The following GRAMD1A variants were observed in gnomAD, a reference collection of about 807,000 sequenced individuals.
GRAMD1A encodes protein Aster-A.
A neutral mutation model predicts 92.0 loss-of-function variants in GRAMD1A; 50 were observed. The ratio of observed to expected loss-of-function variants is 0.54; its 90% CI spans 0.43 to 0.69. The LOEUF is 0.69. Ranked by LOEUF, GRAMD1A falls within the 30% of genes least tolerant of loss-of-function variation. GRAMD1A has a pLI of 0.00. For missense variants in GRAMD1A, 819 were observed against 978.9 expected (o/e 0.84, Z 2.18); for synonymous variants, 405 against 403.6 (o/e 1.00, Z -0.04).
Position 35,000,455 on chromosome 19 carries a change from G to A in GRAMD1A, c.-24G>A, listed in dbSNP as rs2014268740. On this transcript the variant is annotated 5_prime_UTR_variant, in exon 1 of 20. Coordinates refer to ENST00000317991, the MANE Select transcript of GRAMD1A (RefSeq NM_020895.5). This position sits in a 1 kb window ranked among gnomAD's most constrained non-coding sequence, Gnocchi z 4.9. ...CCTGCCCTGCCCTGCCCTGCGCCCGGGGCGCGCCCACCGCGCCGCATCCAT... is the reference window on the plus strand; with the variant it reads ...CCTGCCCTGCCCTGCCCTGCGCCCGAGGCGCGCCCACCGCGCCGCATCCAT... The A allele has an allele frequency of 8.3e-7, 1 of 1,206,736 alleles. No homozygotes were observed. The highest frequency in any genetic ancestry group is 1.0e-6 in the Non-Finnish European group (1 of 952,422). The allele number at this position is 1,206,736 out of a possible 1,614,324, so 74.8% of individuals were successfully genotyped here.
chr19:34,996,264 C>G, upstream of GRAMD1A: 1 of 1,533,842 alleles, frequency 6.5e-7, no homozygotes, highest in Non-Finnish European at 8.7e-7. Context: ...CAGAGGATGC[C>G]AGACCCGCAG....
At chr19:35,002,837 C>T in intron 1 of GRAMD1A, 1 of 152,492 alleles carries the variant, frequency 6.6e-6, no homozygotes, top group Non-Finnish European at 1.5e-5. Context: ...TATGTGTCAC[C>T]TGGGGTCTTT....
chr19:35,006,650 C>T (rs564495354), intron 1 of GRAMD1A, among the ~76,000 whole-genome samples: 4 of 152,322 alleles, frequency 2.6e-5, no homozygotes, highest in East Asian at 1.9e-4. Flanking sequence ...CCATGTCCTG[C>T]GGGCTCTACT....
upstream of GRAMD1A, among the ~76,000 whole-genome samples, chr19:34,995,532 G>T (rs1280355978): frequency 6.9e-6 from 1 of 143,910 alleles, no homozygotes; most frequent in Non-Finnish European, 1.5e-5. Flanking sequence ...TAGCAGGGGT[G>T]GTAATCCCAC....
chr19:34,996,803 CAA>C (rs944025116), upstream of GRAMD1A, among the ~76,000 whole-genome samples: 14 of 60,410 alleles, frequency 2.3e-4, no homozygotes, highest in Admixed American at 7.7e-4. Flanking sequence ...GACTCTGTCT[CAA>C]AAAAAAAAAA....
chr19:35,015,974 G>A lies in GRAMD1A; in HGVS notation c.1213+7G>A, dbSNP rs759873367. ...CAGCAGTGCAAGTTCACAGGTCAGC[G>A]GGCGCATGAAGGAGAGGCTGAGGTT... is the stretch of plus-strand genomic sequence containing the variant. On this transcript the variant is annotated splice_region_variant and intron_variant, in intron 11 of 19. Transcript: ENST00000317991. The A allele has an allele frequency of 2.6e-5, 42 of 1,611,598 alleles. No homozygotes were observed. The highest frequency in any genetic ancestry group is 5.0e-5 in the Admixed American group (3 of 59,786).
chr19:35,014,435 C>T (rs1394270018), intron 10 of GRAMD1A, 48 bp downstream of exon 10: 16 of 1,532,786 alleles, frequency 1.0e-5, no homozygotes, highest in East Asian at 2.2e-5. Flanking sequence ...TTGCAAGCCT[C>T]GCTCAGTCTT....
In GRAMD1A at chr19:35,026,024, G is replaced by A. The variant is rs200682675; in HGVS notation, c.2083-25G>A. 8.1e-5 allele frequency: 105 copies of A among 1,296,014 alleles called. No individual in the cohort carries two copies. The Middle Eastern group carries it at 1.6e-3, about 20-fold the overall frequency. 80.3% of individuals were successfully genotyped at this position (1,296,014 alleles called of 1,614,324 possible). A position where few individuals can be genotyped will look rare whatever the true frequency, so the allele number is the denominator to read the frequency against. On this transcript the variant is annotated intron_variant, in intron 19 of 19. Coordinates refer to ENST00000317991, the MANE Select transcript of GRAMD1A (RefSeq NM_020895.5). ...CCCCCAGCCTCCAGCGTTCACCCCC[G>A]ACCCTGCTCACCTCCTCCCCGCAGA...
intron 19 of GRAMD1A, among the ~76,000 whole-genome samples, chr19:35,024,325 A>G (rs906460704): frequency 2.6e-5 from 4 of 152,228 alleles, no homozygotes; most frequent in African/African-American, 9.6e-5. Flanking sequence ...GTTTGAGCCT[A>G]GTGCCAGGGA....
chr19:34,995,379 C>T (rs544380692), upstream of GRAMD1A, among the ~76,000 whole-genome samples: 9 of 152,284 alleles, frequency 5.9e-5, no homozygotes, highest in East Asian at 1.7e-3. Flanking sequence ...ATGGGATTAA[C>T]TGAGCACTTA....
In GRAMD1A at chr19:35,000,405, CCAGCCCCGCG is replaced by C. The variant is rs1465869805; in HGVS notation, c.-67_-58del. The C allele has an allele frequency of 6.1e-6, 7 of 1,153,792 alleles. No individual in the cohort carries two copies. The highest frequency in any genetic ancestry group is 4.2e-5 in the South Asian group (1 of 23,574). 71.5% of individuals were successfully genotyped at this position (1,153,792 alleles called of 1,614,324 possible). On this transcript the variant is annotated 5_prime_UTR_variant, in exon 1 of 20. Coordinates refer to ENST00000317991, the MANE Select transcript of GRAMD1A (RefSeq NM_020895.5). The surrounding 1 kb of genome is among the most constrained non-coding windows in gnomAD (Gnocchi z 4.9). ...GCCCTGCGGGGACGCCCAGCGCAGC[CCAGCCCCGCG>C]CAGCCCAGCCCTGCCCTGCCCTGCC...
chr19:35,021,426 A>T lies in GRAMD1A; in HGVS notation c.1476-76A>T. The T allele has an allele frequency of 9.0e-7, 1 of 1,109,042 alleles. No individual in the cohort carries two copies. The allele number at this position is 1,109,042 out of a possible 1,614,324, so 68.7% of individuals were successfully genotyped here. ...CCCTCTCTGAATTAGGGGAAGGAAA[A>T]AACTCAGCTTGTGGGACGGGGCAGC... On this transcript the variant is annotated intron_variant, in intron 13 of 19. Transcript: ENST00000317991. The surrounding 1 kb of genome is among the most constrained non-coding windows in gnomAD (Gnocchi z 5.3).
At chr19:35,019,724 A>T (rs1288112426) in intron 13 of GRAMD1A, among the ~76,000 whole-genome samples, 191 bp downstream of exon 13, 1 of 152,104 alleles carries the variant, frequency 6.6e-6, no homozygotes, top group Non-Finnish European at 1.5e-5. Flanking sequence ...CCTCCCATCT[A>T]CAGAGGGTGT....
Position 35,014,386 on chromosome 19 carries a change from A to G in GRAMD1A, c.1068A>G (p.Glu356=), listed in dbSNP as rs755484004. The change falls in exon 10 of 20, where the codon GAA becomes GAG. Residue 356 remains glutamate, a splice_region_variant and synonymous_variant. Transcript: ENST00000317991. Reference sequence around the variant, plus strand: ...ACTCCTCTTCATCCACTGGGGAGGAAGGTGAGGCAGGCGGGCCCAATTCAT... The same window carrying G: ...ACTCCTCTTCATCCACTGGGGAGGAGGGTGAGGCAGGCGGGCCCAATTCAT... ...TSNSSSSTGE[E]ADLAALLPDL... is the part of the protein sequence containing the mutation. 1.2e-6 allele frequency: 2 copies of G among 1,613,024 alleles called. No homozygotes were observed. The highest frequency in any genetic ancestry group is 1.7e-5 in the Admixed American group (1 of 60,016).
At chr19:34,997,584 T>C (rs2014094480), upstream of GRAMD1A, among the ~76,000 whole-genome samples, 1 of 152,070 alleles carries the variant, frequency 6.6e-6, no homozygotes. Flanking sequence ...CAAGGGACAC[T>C]CCATAAGCGT....
intron 1 of GRAMD1A, chr19:35,002,527 A>C (rs916896059): frequency 6.6e-6 from 1 of 152,156 alleles, no homozygotes; most frequent in East Asian, 1.9e-4. Flanking sequence ...CAGCCTCCCT[A>C]GTAGCTGGGA....
At chr19:35,008,826 TAAATA>T (rs1462885384) in intron 1 of GRAMD1A, among the ~76,000 whole-genome samples, 19 of 152,020 alleles carry the variant, frequency 1.2e-4, no homozygotes, top group Non-Finnish European at 2.2e-4. Flanking sequence ...AAAAAATAAA[TAAATA>T]AAATAAAGTA....
chr19:34,997,070 CCTGT>C (rs1200060320), upstream of GRAMD1A, among the ~76,000 whole-genome samples: 1 of 152,056 alleles, frequency 6.6e-6, no homozygotes, highest in African/African-American at 2.4e-5. Flanking sequence ...CACCACCACA[CCTGT>C]CTATTTTTTT....
intron 6 of GRAMD1A, among the ~76,000 whole-genome samples, chr19:35,011,014 A>G (rs996047663): frequency 8.2e-5 from 12 of 146,566 alleles, no homozygotes; most frequent in Non-Finnish European, 1.5e-4. Flanking sequence ...AGACAGGAGG[A>G]TGGCTTGAGC....
Sources: gnomAD v4.1 joint callset for allele counts (sites outside exome capture counted in the v4.1 genomes callset) on GRCh38, gnomAD v4.1.1 for gene constraint, Gnocchi (gnomAD v3.1) non-coding constraint, MANE v1.5 for transcripts, NCBI Gene and HGNC (gene_info 2026-07-23, HGNC 2026-07-21) for gene names.